Variants in DLGAP4 observed in about 807,000 individuals in gnomAD.
The protein encoded by DLGAP4 is DLG associated protein 4.
A neutral mutation model predicts 86.9 loss-of-function variants in DLGAP4; 18 were observed. The ratio of observed to expected loss-of-function variants is 0.21; its 90% confidence interval spans 0.14 to 0.31. The LOEUF (loss-of-function observed/expected upper bound fraction) is 0.31. Ranked by LOEUF, DLGAP4 falls within the 10% of genes least tolerant of loss-of-function variation. The pLI is 1.00. For missense variants in DLGAP4, 1,085 were observed against 1,362.6 expected (o/e 0.80, Z 3.21); for synonymous variants, 548 against 574.3 (o/e 0.95, Z 0.65).
At chr20:36,465,619 A>C (rs1472227186) in intron 7 of DLGAP4, among the ~76,000 whole-genome samples, 2 of 152,170 alleles carry the variant, frequency 1.3e-5, no homozygotes, top group Non-Finnish European at 2.9e-5. Context: ...AAAGGAGGCT[A>C]TCTGGAGGCT....
At chr20:36,331,799 G>A (rs1322738557) in intron 1 of DLGAP4, among the ~76,000 whole-genome samples, 2 of 152,168 alleles carry the variant, frequency 1.3e-5, no homozygotes, top group Admixed American at 6.5e-5. Flanking sequence ...GGTGACAGGT[G>A]TCTGCTGGGG....
At chr20:36,455,895 TCCACCGCAGGCTCTTG>T (rs1465826897) in intron 7 of DLGAP4, among the ~76,000 whole-genome samples, 1 of 151,932 alleles carries the variant, frequency 6.6e-6, no homozygotes, top group Non-Finnish European at 1.5e-5. Context: ...GTCCCCTCAC[TCCACCGCAGGCTCTTG>T]TCAGCCCAAC....
intron 7 of DLGAP4, among the ~76,000 whole-genome samples, chr20:36,488,227 G>A (rs1262247436): frequency 6.6e-6 from 1 of 151,130 alleles, no homozygotes; most frequent in Non-Finnish European, 1.5e-5. Context: ...AGCAGTTAGT[G>A]CAGCAGAGGG....
At chr20:36,505,149 G>A (rs2036307539) in intron 10 of DLGAP4, among the ~76,000 whole-genome samples, 1 of 151,954 alleles carries the variant, frequency 6.6e-6, no homozygotes, top group Admixed American at 6.6e-5. Flanking sequence ...CACCATGCCT[G>A]GCTAATTTTT....
At chr20:36,349,311 G>C (rs1481819115) in intron 1 of DLGAP4, among the ~76,000 whole-genome samples, 1 of 151,370 alleles carries the variant, frequency 6.6e-6, no homozygotes, top group South Asian at 2.1e-4. Flanking sequence ...CCAGCTACTC[G>C]GGAGGCTGAG....
chr20:36,353,459 T>A (rs1337137092), intron 1 of DLGAP4, among the ~76,000 whole-genome samples: 2 of 152,232 alleles, frequency 1.3e-5, no homozygotes, highest in African/African-American at 4.8e-5. Context: ...CCCCTTCTGC[T>A]GTCTCCCCAG....
intron 7 of DLGAP4, among the ~76,000 whole-genome samples, chr20:36,489,352 A>G (rs946430442): frequency 6.6e-6 from 1 of 152,222 alleles, no homozygotes; most frequent in Non-Finnish European, 1.5e-5. Flanking sequence ...AGCTGTTAGC[A>G]TCAGAATCAT....
At chr20:36,309,931 G>A (rs1333121068) in intron 1 of DLGAP4, among the ~76,000 whole-genome samples, 5 of 152,204 alleles carry the variant, frequency 3.3e-5, no homozygotes, top group African/African-American at 1.2e-4. Flanking sequence ...GGAGACTGGT[G>A]CTGTCCAACC....
chr20:36,462,662 C>G, intron 7 of DLGAP4: 1 of 1,546,238 alleles, frequency 6.5e-7, no homozygotes, highest in South Asian at 1.2e-5. Context: ...GGCCGAGGCT[C>G]CATGGGGTTG....
At chr20:36,450,014 A>G (rs1195705040) in intron 7 of DLGAP4, among the ~76,000 whole-genome samples, 1 of 152,266 alleles carries the variant, frequency 6.6e-6, no homozygotes. Flanking sequence ...GGCAGAAGAC[A>G]GAAGAGCAAG....
chr20:36,338,177 T>G (rs1054137671), intron 1 of DLGAP4, among the ~76,000 whole-genome samples: 2 of 152,184 alleles, frequency 1.3e-5, no homozygotes, highest in African/African-American at 2.4e-5. Context: ...TGGGGAGCTC[T>G]GTCTGCTGAG....
intron 7 of DLGAP4, among the ~76,000 whole-genome samples, chr20:36,466,177 G>A (rs1331273970): frequency 6.6e-6 from 1 of 152,160 alleles, no homozygotes; most frequent in African/African-American, 2.4e-5. Context: ...AGAGCCTGTC[G>A]GCTGCAACCT....
chr20:36,507,289 A>G (rs967607964), intron 10 of DLGAP4, among the ~76,000 whole-genome samples: 7 of 152,062 alleles, frequency 4.6e-5, no homozygotes, highest in African/African-American at 1.7e-4. Flanking sequence ...GTGCAGTGGT[A>G]CAATTTCGGC....
At chr20:36,481,128 C>T (rs747977673) in intron 7 of DLGAP4, among the ~76,000 whole-genome samples, 7 of 152,188 alleles carry the variant, frequency 4.6e-5, no homozygotes, top group Admixed American at 2.0e-4. Flanking sequence ...AAAAGTCACA[C>T]CCATGGGGAC....
chr20:36,442,295 A>T (rs1381161627), intron 5 of DLGAP4, among the ~76,000 whole-genome samples: 1 of 152,182 alleles, frequency 6.6e-6, no homozygotes, highest in Non-Finnish European at 1.5e-5. Flanking sequence ...CACGGGTTCA[A>T]GCAATTCTCC....
chr20:36,439,894 G>T, intron 5 of DLGAP4, 26 bp downstream of exon 5: 2 of 1,594,366 alleles, frequency 1.3e-6, no homozygotes. Context: ...AGGCTGGAGA[G>T]TCAGGGGGCT....
chr20:36,506,597 CTT>C (rs1250396220), intron 10 of DLGAP4, among the ~76,000 whole-genome samples: 1 of 152,214 alleles, frequency 6.6e-6, no homozygotes, highest in Non-Finnish European at 1.5e-5. Flanking sequence ...GCATTGCCCT[CTT>C]GTCTAAACCT....
At chr20:36,442,657 T>C (rs1425981416) in intron 5 of DLGAP4, 70 bp from the exon 6 acceptor site, 48 of 1,562,532 alleles carry the variant, frequency 3.1e-5, no homozygotes, top group Non-Finnish European at 4.1e-5. Context: ...TTCCTTGCAA[T>C]TGACCCTGAA....
chr20:36,428,558 C>T (rs762160520), intron 2 of DLGAP4, among the ~76,000 whole-genome samples: 4 of 152,154 alleles, frequency 2.6e-5, no homozygotes, highest in South Asian at 2.1e-4. Flanking sequence ...CACCTGGTAC[C>T]GTCCCATCCT....
Sources: gnomAD v4.1 joint callset for allele counts (sites outside exome capture counted in the v4.1 genomes callset) on GRCh38, gnomAD v4.1.1 for gene constraint, MANE v1.5 for transcripts, NCBI Gene and HGNC (gene_info 2026-07-23, HGNC 2026-07-21) for gene names.